Variants in TCERG1L observed in about 807,000 individuals in gnomAD.
TCERG1L encodes transcription elongation regulator 1 like, also known as transcription elongation regulator 1-like protein.
In TCERG1L, 37 loss-of-function variants were observed where a neutral mutation model predicts 56.3. That is an observed-to-expected ratio of 0.66 (90% CI 0.51 to 0.87). TCERG1L has a LOEUF of 0.87. Ranked by LOEUF, TCERG1L falls within the 40% of genes least tolerant of loss-of-function variation. TCERG1L has a pLI of 0.00. For missense variants in TCERG1L, 799 were observed against 774.2 expected, an observed-to-expected ratio of 1.03 and a Z score of -0.38; for synonymous variants, 324 against 326.3, an observed-to-expected ratio of 0.99 and a Z score of 0.08.
chr10:131,140,676 T>C (rs1845727596), intron 7 of TCERG1L, among the ~76,000 whole-genome samples: 1 of 152,306 alleles, frequency 6.6e-6, no homozygotes, highest in East Asian at 1.9e-4. Flanking sequence ...AGAGAGCACC[T>C]TGCAGGGACT....
Position 131,231,523 on chromosome 10 carries a change from G to A in TCERG1L, c.856+28736C>T, listed in dbSNP as rs574962068. 3.0e-3 allele frequency among the ~76,000 whole-genome samples: 459 copies of A among 152,208 alleles called. 8 individuals carry two copies. The highest frequency in any genetic ancestry group is 0.015 in the South Asian group (72 of 4,818). On this transcript the variant is annotated intron_variant, in intron 4 of 11. Coordinates refer to ENST00000368642, the MANE Select transcript of TCERG1L (RefSeq NM_174937.4). ...TGCCTGCAGAGCTTGTGGCTCTGCC[G>A]AATCCTTCTGAGGTGCAGCCTCAGG...
chr10:131,211,502 G>T (rs543801917), intron 4 of TCERG1L, among the ~76,000 whole-genome samples: 2 of 152,336 alleles, frequency 1.3e-5, no homozygotes, highest in East Asian at 3.9e-4. Context: ...TACACCACGA[G>T]AAGTAATGTC....
intron 4 of TCERG1L, among the ~76,000 whole-genome samples, chr10:131,229,579 A>G (rs1439671911): frequency 6.6e-6 from 1 of 152,130 alleles, no homozygotes. Flanking sequence ...CCAATTACCA[A>G]TTAGCGCAGC....
intron 8 of TCERG1L, among the ~76,000 whole-genome samples, chr10:131,125,025 C>T (rs939726491): frequency 6.6e-6 from 1 of 152,204 alleles, no homozygotes; most frequent in Non-Finnish European, 1.5e-5. Flanking sequence ...CAGCACAACC[C>T]CACTGTCCAG....
intron 4 of TCERG1L, among the ~76,000 whole-genome samples, chr10:131,179,304 T>C (rs986643380): frequency 3.3e-5 from 5 of 152,226 alleles, no homozygotes; most frequent in Non-Finnish European, 7.3e-5. Flanking sequence ...GTCAGGACCA[T>C]GGAGCTTCTC....
At chr10:131,162,458 G>A (rs11591601) in intron 6 of TCERG1L, 42,996 of 152,154 alleles carry the variant, frequency 0.28, 6,666 homozygotes, top group Middle Eastern at 0.4. Context: ...GCTGGTGGGG[G>A]CCCTGCGCTC....
intron 9 of TCERG1L, among the ~76,000 whole-genome samples, chr10:131,107,657 G>A (rs1845366409): frequency 6.6e-6 from 1 of 152,252 alleles, no homozygotes. Context: ...GAAGCCTGTT[G>A]TTCCCGAGCC....
intron 4 of TCERG1L, among the ~76,000 whole-genome samples, chr10:131,178,186 C>T (rs150927281): frequency 3.2e-4 from 49 of 152,184 alleles, no homozygotes; most frequent in Middle Eastern, 3.4e-3. Context: ...AGCCTTTGCC[C>T]GGGGAGGTCG....
At chr10:131,253,988 AGTTC>A (rs1317387592) in intron 4 of TCERG1L, among the ~76,000 whole-genome samples, 1 of 151,934 alleles carries the variant, frequency 6.6e-6, no homozygotes, top group Non-Finnish European at 1.5e-5. Flanking sequence ...GAGGAGAAGG[AGTTC>A]GTTCCAGGGG....
rs1215596503 is a variant in TCERG1L, at chr10:131,116,875, C to G, written c.1319G>C (p.Arg440Thr). ...CAGGAGGATCTGCGGGGGCGGCGTC[C>G]TTGTGCCTTTGTCCTCTCTCTTTGC... ...EEAKREDKGT[R>T]TPPPQILLPL... Residue 440 changes from arginine (R) to threonine (T), a missense_variant, in exon 9 of 12, where the codon AGG becomes ACG. Physicochemically the swap from Arg to Thr is moderately conservative, Grantham distance 71. Coordinates refer to ENST00000368642, the MANE Select transcript of TCERG1L (RefSeq NM_174937.4). The G allele has an allele frequency of 6.3e-7, 1 of 1,598,986 alleles. No homozygotes were observed. The highest frequency in any genetic ancestry group is 1.7e-5 in the Admixed American group (1 of 57,868).
intron 9 of TCERG1L, among the ~76,000 whole-genome samples, chr10:131,105,716 G>C (rs113307010): frequency 2.0e-5 from 3 of 151,982 alleles, no homozygotes; most frequent in East Asian, 1.9e-4. Flanking sequence ...GTTCCGGAGG[G>C]GGGTGGGAAT....
chr10:131,139,122 G>A (rs531467660), intron 7 of TCERG1L, among the ~76,000 whole-genome samples: 1 of 152,356 alleles, frequency 6.6e-6, no homozygotes, highest in South Asian at 2.1e-4. Context: ...CAGTGCTAAG[G>A]AGATCATGCA....
At chr10:131,300,864 T>C (rs780086245) in intron 3 of TCERG1L, among the ~76,000 whole-genome samples, 8 of 151,442 alleles carry the variant, frequency 5.3e-5, no homozygotes, top group Middle Eastern at 3.4e-3. Flanking sequence ...CCTTCTTATG[T>C]CAAGCTGTTA....
At chr10:131,126,716 C>T (rs918015030) in intron 8 of TCERG1L, among the ~76,000 whole-genome samples, 1 of 152,226 alleles carries the variant, frequency 6.6e-6, no homozygotes, top group Non-Finnish European at 1.5e-5. Flanking sequence ...GCAGTCTCCT[C>T]ATGTGGGAAC....
chr10:131,278,224 C>T (rs1846413124), intron 3 of TCERG1L, among the ~76,000 whole-genome samples: 2 of 152,150 alleles, frequency 1.3e-5, no homozygotes, highest in South Asian at 2.1e-4. Context: ...GGATCCTGCT[C>T]GGTTTCCTCA....
chr10:131,153,074 A>C (rs1845882788), intron 6 of TCERG1L, among the ~76,000 whole-genome samples: 1 of 152,070 alleles, frequency 6.6e-6, no homozygotes, highest in Admixed American at 6.6e-5. Context: ...TGGGCAGGTG[A>C]ATTCATTAAG....
intron 4 of TCERG1L, among the ~76,000 whole-genome samples, chr10:131,231,778 A>G (rs528789100): frequency 1.9e-4 from 29 of 152,144 alleles, no homozygotes; most frequent in Admixed American, 1.1e-3. Flanking sequence ...TCCACTTAGC[A>G]AAAAAAAGAC....
intron 6 of TCERG1L, chr10:131,162,217 T>A (rs1564804911): frequency 6.6e-6 from 1 of 152,188 alleles, no homozygotes; most frequent in Non-Finnish European, 1.5e-5. Flanking sequence ...GAAAACAGCA[T>A]AATATTAGTA....
intron 4 of TCERG1L, among the ~76,000 whole-genome samples, chr10:131,217,878 C>T (rs1375550343): frequency 6.6e-6 from 1 of 152,080 alleles, no homozygotes; most frequent in African/African-American, 2.4e-5. Context: ...CCCGCCACCA[C>T]GCCCGGCTAA....
Sources: gnomAD v4.1 joint callset for allele counts (sites outside exome capture counted in the v4.1 genomes callset) on GRCh38, gnomAD v4.1.1 for gene constraint, MANE v1.5 for transcripts, NCBI Gene and HGNC (gene_info 2026-07-23, HGNC 2026-07-21) for gene names.